SEZ6L: variants seen among roughly 807,000 people sequenced by gnomAD.
The protein encoded by SEZ6L is seizure 6-like protein.
In SEZ6L, 37 loss-of-function variants were observed where a neutral mutation model predicts 106.2. The ratio of observed to expected loss-of-function variants is 0.35; its 90% CI spans 0.27 to 0.46. SEZ6L has a LOEUF of 0.46. Among genes scored for constraint, SEZ6L ranks in the 20% least tolerant of loss-of-function variants. The pLI, the probability that SEZ6L is intolerant of heterozygous loss-of-function variation, is 1.00. For synonymous variants in SEZ6L, 541 were observed against 570.4 expected, an observed-to-expected ratio of 0.95 and a Z score of 0.73; for missense variants, 1,172 against 1,332.8, an observed-to-expected ratio of 0.88 and a Z score of 1.88.
chr22:26,232,239 G>A (rs1337135642), intron 1 of SEZ6L, among the ~76,000 whole-genome samples: 4 of 152,016 alleles, frequency 2.6e-5, no homozygotes, highest in South Asian at 2.1e-4. Context: ...GTCCTTACCC[G>A]AAAGGAGTCT....
chr22:26,278,891 G>C (rs1310529590), intron 1 of SEZ6L, among the ~76,000 whole-genome samples: 1 of 141,836 alleles, frequency 7.1e-6, no homozygotes, highest in Non-Finnish European at 1.5e-5. Flanking sequence ...AAGGAAGAAA[G>C]AAAGAAGGAG....
intron 10 of SEZ6L, among the ~76,000 whole-genome samples, chr22:26,344,200 A>G (rs1601558825): frequency 6.6e-6 from 1 of 152,338 alleles, no homozygotes; most frequent in East Asian, 1.9e-4. Flanking sequence ...AGAGCCTTCC[A>G]CAGGAAGACT....
intron 1 of SEZ6L, among the ~76,000 whole-genome samples, chr22:26,207,747 A>G (rs774317830): frequency 1.9e-4 from 29 of 151,966 alleles, no homozygotes; most frequent in Non-Finnish European, 3.4e-4. Context: ...TTCATATTCT[A>G]CTTAAGGTTA....
At chr22:26,178,487 C>T (rs1266211894) in intron 1 of SEZ6L, among the ~76,000 whole-genome samples, 9 of 152,064 alleles carry the variant, frequency 5.9e-5, no homozygotes, top group African/African-American at 1.7e-4. Context: ...GGTGCCAGCC[C>T]GGAGCAAGTA....
chr22:26,349,712 C>T (rs1373338401), intron 11 of SEZ6L, among the ~76,000 whole-genome samples: 2 of 152,186 alleles, frequency 1.3e-5, no homozygotes, highest in Non-Finnish European at 2.9e-5. Flanking sequence ...CTATGTTGCC[C>T]AGGCTGGTCT....
intron 9 of SEZ6L, among the ~76,000 whole-genome samples, chr22:26,315,630 T>C (rs562268906): frequency 2.6e-5 from 4 of 152,218 alleles, no homozygotes; most frequent in South Asian, 4.1e-4. Context: ...GACTTTGGGC[T>C]GGGCTCACCT....
At position 26,214,313 on chromosome 22, in the gene SEZ6L, A is replaced by G. The variant is rs75337107; in HGVS notation, c.94+44550A>G. On this transcript the variant is annotated intron_variant, in intron 1 of 16. Transcript: ENST00000248933. ...AGCAGTGATAGTTCCTGCCTCACAG[A>G]GCTGTCCTGAGGATTAAAGAAGTAG... is the stretch of plus-strand genomic sequence containing the variant. 5.7e-3 allele frequency among the ~76,000 whole-genome samples: 871 copies of G among 152,334 alleles called. 18 individuals carry two copies. Among genetic ancestry groups the G allele is most frequent in the East Asian group, 0.052 (269 of 5,176 alleles).
chr22:26,275,683 A>G (rs2080520245), intron 1 of SEZ6L, among the ~76,000 whole-genome samples: 2 of 152,266 alleles, frequency 1.3e-5, no homozygotes, highest in Middle Eastern at 3.4e-3. Flanking sequence ...GTGCTAGGCC[A>G]GCACCCCCAC....
rs370353750 is a variant in SEZ6L, at chr22:26,212,571, C to T, written c.94+42808C>T. ...CTGAGTAGCTGGGACCACAGGCATG[C>T]GCCACCATGCCCGCCCAATTTTTGT... is the stretch of plus-strand genomic sequence containing the variant. On this transcript the variant is annotated intron_variant, in intron 1 of 16. Transcript: ENST00000248933. Among the ~76,000 whole-genome samples the T allele has an allele frequency of 2.5e-4, 38 of 152,174 alleles. 1 individual carries two copies. The South Asian group carries it at 3.3e-3, about 13-fold the overall frequency.
intron 13 of SEZ6L, among the ~76,000 whole-genome samples, chr22:26,368,176 T>C (rs1402882223): frequency 6.6e-6 from 1 of 152,160 alleles, no homozygotes; most frequent in Admixed American, 6.5e-5. Context: ...CTTCAGTGGA[T>C]CCCCAAATGC....
intron 1 of SEZ6L, among the ~76,000 whole-genome samples, chr22:26,261,161 G>T (rs1365033360): frequency 6.6e-6 from 1 of 152,124 alleles, no homozygotes; most frequent in African/African-American, 2.4e-5. Flanking sequence ...AGAGTGTGAA[G>T]ATTTTCTCTC....
At chr22:26,229,976 T>A (rs2078748667) in intron 1 of SEZ6L, among the ~76,000 whole-genome samples, 1 of 152,240 alleles carries the variant, frequency 6.6e-6, no homozygotes, top group Non-Finnish European at 1.5e-5. Flanking sequence ...CCTGGAATTG[T>A]TCTTAATGCA....
At chr22:26,214,304 G>A (rs1366079191) in intron 1 of SEZ6L, among the ~76,000 whole-genome samples, 4 of 152,214 alleles carry the variant, frequency 2.6e-5, no homozygotes, top group Non-Finnish European at 5.9e-5. Flanking sequence ...GATAGTTCCT[G>A]CCTCACAGAG....
At chr22:26,357,212 T>C (rs1369181956) in intron 12 of SEZ6L, among the ~76,000 whole-genome samples, 3 of 152,186 alleles carry the variant, frequency 2.0e-5, no homozygotes, top group Non-Finnish European at 2.9e-5. Context: ...CTCAAAGTGC[T>C]GGGATTACAG....
intron 9 of SEZ6L, among the ~76,000 whole-genome samples, 187 bp downstream of exon 9, chr22:26,314,089 C>CAGAG (rs1233160833): frequency 1.4e-5 from 2 of 142,666 alleles, no homozygotes; most frequent in African/African-American, 5.7e-5. Flanking sequence ...CACACACACA[C>CAGAG]ACACACAGAG....
At chr22:26,350,230 T>TATATA (rs1294201857) in intron 11 of SEZ6L, among the ~76,000 whole-genome samples, 11 of 144,720 alleles carry the variant, frequency 7.6e-5, no homozygotes, top group African/African-American at 2.8e-4. Flanking sequence ...ATATATATAT[T>TATATA]TATATGTATT....
Position 26,169,713 on chromosome 22 carries a change from C to T in SEZ6L, c.44C>T (p.Ser15Leu). 7.7e-7 allele frequency: 1 copy of T among 1,301,472 alleles called. No homozygotes were observed. The highest frequency in any genetic ancestry group is 9.7e-7 in the Non-Finnish European group (1 of 1,028,042). The allele number at this position is 1,301,472 out of a possible 1,614,324, so 80.6% of individuals were successfully genotyped here. A position where few individuals can be genotyped will look rare whatever the true frequency, so the allele number is the denominator to read the frequency against. The change falls in exon 1 of 17, where the codon TCG becomes TTG. Residue 15 changes from serine (S) to leucine (L), a missense_variant. By Grantham distance (145) the Ser-to-Leu change is moderately radical. This residue lies in a region of SEZ6L where 494 missense variants were observed against 445.8 expected (regional missense o/e 1.11). Coordinates refer to ENST00000248933, the MANE Select transcript of SEZ6L (RefSeq NM_021115.5). ...RPPAAGLRGI[S>L]LFLALLLGSP... ...CCCGCCGCGGGACTCCGCGGGATCT[C>T]GCTGTTCCTCGCTCTGCTCCTGGGG...
chr22:26,208,850 C>CTGTGTG lies in SEZ6L; in HGVS notation c.94+39137_94+39142dup, dbSNP rs35483380. Reference sequence around the variant, plus strand: ...TTTTTTCTACTTCTTGACTCTCTCTCTGTGTGTGTGTGTGTGTGTGTGTGT... The same window carrying CTGTGTG: ...TTTTTTCTACTTCTTGACTCTCTCTCTGTGTGTGTGTGTGTGTGTGTGTGTGTGTGT... On this transcript the variant is annotated intron_variant, in intron 1 of 16. Transcript: ENST00000248933. Among the ~76,000 whole-genome samples, 449 of 111,784 alleles carry CTGTGTG rather than the reference C, an allele frequency of 4.0e-3. 1 individual carries two copies. The highest frequency in any genetic ancestry group is 8.8e-3 in the Middle Eastern group (2 of 226). 73.3% of individuals were successfully genotyped at this position (111,784 alleles called of 152,430 possible).
At chr22:26,218,345 C>G (rs1441577573) in intron 1 of SEZ6L, among the ~76,000 whole-genome samples, 1 of 152,074 alleles carries the variant, frequency 6.6e-6, no homozygotes, top group Non-Finnish European at 1.5e-5. Context: ...GCTATCAACC[C>G]GTCATCTAGG....
Sources: allele counts gnomAD v4.1 joint callset (sites outside exome capture counted in the v4.1 genomes callset), GRCh38; gene constraint gnomAD v4.1.1; regional missense constraint gnomAD v4.1.1; transcripts MANE v1.5; gene names NCBI Gene and HGNC (gene_info 2026-07-23, HGNC 2026-07-21).